Variants in SENP8 observed in about 807,000 individuals in gnomAD.
SENP8 encodes sentrin-specific protease 8.
Under a neutral mutation model 14.4 loss-of-function variants are expected in SENP8, and 10 were observed. The ratio of observed to expected loss-of-function variants is 0.69; its 90% CI spans 0.43 to 1.18. The LOEUF is 1.18. Among genes scored for constraint, SENP8 ranks in the 50% most tolerant of loss-of-function variants. SENP8 has a pLI of 0.00. For missense variants in SENP8, 202 were observed against 249.4 expected, an observed-to-expected ratio of 0.81 and a Z score of 1.28; for synonymous variants, 94 against 95.5, an observed-to-expected ratio of 0.98 and a Z score of 0.09.
chr15:72,132,809 T>G (rs1351009536), intron 1 of SENP8, among the ~76,000 whole-genome samples: 1 of 152,066 alleles, frequency 6.6e-6, no homozygotes, highest in Non-Finnish European at 1.5e-5. Flanking sequence ...CTACAATATC[T>G]ATTCCTCCAC....
chr15:72,114,602 C>G (rs569076081), upstream of SENP8: 14 of 152,256 alleles, frequency 9.2e-5, no homozygotes, highest in African/African-American at 3.4e-4. Flanking sequence ...GCTCTCTCTC[C>G]ACTGTTTTTG....
In SENP8 at chr15:72,139,828, G is replaced by T; in HGVS notation, c.205G>T (p.Ala69Ser). Residue 69 changes from alanine to serine, a missense_variant, in exon 2 of 2, where the codon GCA becomes TCA. Coordinates refer to ENST00000340912, the MANE Select transcript of SENP8 (RefSeq NM_145204.4). ...GTTCATCAAGTGCACTAGCAACCCA[G>T]CAGAGATTGCCATGTTCCTTGAACC... ...TQFIKCTSNPAEIAMFLEPLD... is the reference protein window; with the variant it reads ...TQFIKCTSNPSEIAMFLEPLD... The T allele has an allele frequency of 6.2e-7, 1 of 1,614,200 alleles. No individual in the cohort carries two copies. Among genetic ancestry groups the T allele is most frequent in the Non-Finnish European group, 8.5e-7 (1 of 1,180,042 alleles).
intron 1 of SENP8, chr15:72,135,439 G>A (rs2081318291): frequency 6.6e-6 from 1 of 151,562 alleles, no homozygotes; most frequent in African/African-American, 2.4e-5. Flanking sequence ...AAAAACTCTG[G>A]ACTATAAAAA....
intron 1 of SENP8, among the ~76,000 whole-genome samples, chr15:72,135,680 G>A (rs756963788): frequency 3.0e-4 from 45 of 152,174 alleles, no homozygotes; most frequent in Admixed American, 4.6e-4. Context: ...ATGCTGTATG[G>A]AACAGAATTA....
At chr15:72,133,508 T>A (rs1356971231) in intron 1 of SENP8, among the ~76,000 whole-genome samples, 1 of 152,252 alleles carries the variant, frequency 6.6e-6, no homozygotes, top group African/African-American at 2.4e-5. Context: ...AGAGCCCACT[T>A]TTATGCCACT....
intron 1 of SENP8, among the ~76,000 whole-genome samples, chr15:72,137,141 T>C (rs1254207522): frequency 6.6e-6 from 1 of 152,212 alleles, no homozygotes; most frequent in African/African-American, 2.4e-5. Context: ...ATAAATATTA[T>C]TGTACAACTT....
intron 1 of SENP8, among the ~76,000 whole-genome samples, chr15:72,128,533 C>A (rs2081242043): frequency 6.6e-6 from 1 of 152,138 alleles, no homozygotes; most frequent in African/African-American, 2.4e-5. Flanking sequence ...GTGAGATTCT[C>A]ATATTTTATT....
chr15:72,117,631 G>C (rs1000065849), upstream of SENP8: 1 of 394,812 alleles, frequency 2.5e-6, no homozygotes, highest in Non-Finnish European at 4.5e-6. Context: ...AGGCTGAGAC[G>C]TGGGCCAGGA....
chr15:72,132,018 C>T (rs1029704098), intron 1 of SENP8, among the ~76,000 whole-genome samples: 3 of 152,046 alleles, frequency 2.0e-5, no homozygotes, highest in Non-Finnish European at 4.4e-5. Flanking sequence ...GTGTAACAAC[C>T]TGTGATTATG....
At chr15:72,114,914 C>T (rs953740084), upstream of SENP8, among the ~76,000 whole-genome samples, 3 of 152,194 alleles carry the variant, frequency 2.0e-5, no homozygotes, top group African/African-American at 7.2e-5. Context: ...AAACCTCCTA[C>T]ATTTCTCTGC....
At chr15:72,120,632 G>C (rs371852668) in intron 1 of SENP8, among the ~76,000 whole-genome samples, 1 of 152,082 alleles carries the variant, frequency 6.6e-6, no homozygotes, top group South Asian at 2.1e-4. Context: ...AATAGAATAC[G>C]TAGTAATATA....
intron 1 of SENP8, among the ~76,000 whole-genome samples, chr15:72,132,227 A>C (rs1464880806): frequency 2.6e-5 from 4 of 152,154 alleles, no homozygotes; most frequent in African/African-American, 9.7e-5. Flanking sequence ...CAGTTGACTC[A>C]CCTTTCTTGC....
In SENP8 at chr15:72,138,798, T is replaced by G. The variant is rs188277996; in HGVS notation, c.-47-779T>G. On this transcript the variant is annotated intron_variant, in intron 1 of 1. Coordinates refer to ENST00000340912, the MANE Select transcript of SENP8 (RefSeq NM_145204.4). ...TGATATGGCGAAACCCTGTCTCTACTAAAAATACAAAAAAAAATTAGCCGG... is the reference window on the plus strand; with the variant it reads ...TGATATGGCGAAACCCTGTCTCTACGAAAAATACAAAAAAAAATTAGCCGG... 5.4e-4 allele frequency among the ~76,000 whole-genome samples: 82 copies of G among 150,474 alleles called. 1 individual carries two copies. The highest frequency in any genetic ancestry group is 5.4e-3 in the Admixed American group (82 of 15,180).
At chr15:72,122,577 T>G (rs1043916508) in intron 1 of SENP8, among the ~76,000 whole-genome samples, 3 of 152,300 alleles carry the variant, frequency 2.0e-5, no homozygotes, top group African/African-American at 7.2e-5. Context: ...CTTCCAGAAC[T>G]AGGTTCTCAG....
Position 72,140,765 on chromosome 15 carries a change from T to C in SENP8, c.*503T>C, listed in dbSNP as rs2081373823. Reference sequence around the variant, plus strand: ...TCAAGGCCTAACTTCATTCAAGACCTAAATATTATGAGACTCAGTTATTCG... The same window carrying C: ...TCAAGGCCTAACTTCATTCAAGACCCAAATATTATGAGACTCAGTTATTCG... On this transcript the variant is annotated 3_prime_UTR_variant, in exon 2 of 2. Transcript: ENST00000340912. 5.9e-6 allele frequency: 1 copy of C among 168,758 alleles called. No individual in the cohort carries two copies. Among genetic ancestry groups the C allele is most frequent in the African/African-American group, 2.4e-5 (1 of 41,482 alleles). 10.5% of individuals were successfully genotyped at this position (168,758 alleles called of 1,614,324 possible). A position where few individuals can be genotyped will look rare whatever the true frequency, so the allele number is the denominator to read the frequency against.
intron 1 of SENP8, among the ~76,000 whole-genome samples, chr15:72,129,365 C>A (rs888035990): frequency 2.0e-5 from 3 of 150,796 alleles, no homozygotes; most frequent in Non-Finnish European, 3.0e-5. Flanking sequence ...CTCATCTCTA[C>A]AAATTTTTTT....
In SENP8 at chr15:72,143,396, G is replaced by A. The variant is rs1490657784; in HGVS notation, c.*3134G>A. On this transcript the variant is annotated 3_prime_UTR_variant, in exon 2 of 2. Transcript: ENST00000340912. ...TATATTGCTATGCAGCTAAACAGCT[G>A]TGTAAAAAATGGCTGATAATTACTG... 6.6e-6 allele frequency: 1 copy of A among 152,128 alleles called. No homozygotes were observed. Among genetic ancestry groups the A allele is most frequent in the Non-Finnish European group, 1.5e-5 (1 of 68,030 alleles). 9.4% of individuals were successfully genotyped at this position (152,128 alleles called of 1,614,324 possible). A position where few individuals can be genotyped will look rare whatever the true frequency, so the allele number is the denominator to read the frequency against.
chr15:72,138,074 A>C (rs1020334288), intron 1 of SENP8, among the ~76,000 whole-genome samples: 2 of 152,134 alleles, frequency 1.3e-5, no homozygotes, highest in Non-Finnish European at 2.9e-5. Flanking sequence ...TATAAAAATA[A>C]TTTGTTGTCA....
chr15:72,128,939 A>G (rs910313566), intron 1 of SENP8, among the ~76,000 whole-genome samples: 1 of 152,122 alleles, frequency 6.6e-6, no homozygotes, highest in Non-Finnish European at 1.5e-5. Flanking sequence ...CTCTCTTTTT[A>G]TTTTTTTAAG....
Sources: gnomAD v4.1 joint callset for allele counts (sites outside exome capture counted in the v4.1 genomes callset) on GRCh38, gnomAD v4.1.1 for gene constraint, MANE v1.5 for transcripts, NCBI Gene and HGNC (gene_info 2026-07-23, HGNC 2026-07-21) for gene names.